Variants in PARD3B observed in about 807,000 individuals in gnomAD.
PARD3B encodes the protein par-3 family cell polarity regulator beta, also known as partitioning defective 3 homolog B.
Under a neutral mutation model 130.2 loss-of-function variants are expected in PARD3B, and 103 were observed. The observed-to-expected ratio is 0.79, with a 90% CI of 0.67 to 0.93. PARD3B has a LOEUF of 0.93. PARD3B is among the 40% of genes least tolerant of loss of function. PARD3B has a pLI of 0.00. For synonymous variants in PARD3B, 583 were observed against 553.2 expected (o/e 1.05, Z -0.76); for missense variants, 1,609 against 1,499.2 (o/e 1.07, Z -1.21).
At chr2:204,935,460 A>G (rs1688374338) in intron 2 of PARD3B, among the ~76,000 whole-genome samples, 1 of 151,086 alleles carries the variant, frequency 6.6e-6, no homozygotes, top group Non-Finnish European at 1.5e-5. Flanking sequence ...AATGGTGTGA[A>G]CCCGGGAGGT....
chr2:204,593,348 C>A (rs112678032), intron 1 of PARD3B, among the ~76,000 whole-genome samples: 12 of 152,100 alleles, frequency 7.9e-5, no homozygotes, highest in African/African-American at 2.4e-4. Context: ...AGGGGGCTTG[C>A]GCATGGAGCA....
chr2:204,882,481 T>G (rs1025855321), intron 2 of PARD3B, among the ~76,000 whole-genome samples: 1 of 152,192 alleles, frequency 6.6e-6, no homozygotes, highest in African/African-American at 2.4e-5. Context: ...AGTGTCTGAC[T>G]GCAAAAGCTT....
intron 2 of PARD3B, among the ~76,000 whole-genome samples, chr2:204,868,998 AG>A (rs2045530672): frequency 6.6e-6 from 1 of 152,202 alleles, no homozygotes; most frequent in Non-Finnish European, 1.5e-5. Context: ...TGTATTTAAA[AG>A]GTAAAATGAG....
rs2041964960 is a variant in PARD3B, at chr2:205,300,710, A to G, written c.2366A>G (p.Tyr789Cys). 1 of 1,612,586 alleles carries G rather than the reference A, an allele frequency of 6.2e-7. No individual in the cohort carries two copies. The highest frequency in any genetic ancestry group is 8.5e-7 in the Non-Finnish European group (1 of 1,178,782). ...TTTAGAGCAGCCATTGACAAATCCT[A>G]CGATGGACCTGAAGAAATAGAAGCT... ...ESFRAAIDKS[Y>C]DGPEEIEADG... Residue 789 changes from tyrosine (Y) to cysteine (C), a missense_variant, in exon 17 of 23, where the codon TAC becomes TGC. Tyr to Cys is a radical substitution (Grantham distance 194). Coordinates refer to ENST00000406610, the MANE Select transcript of PARD3B (RefSeq NM_001302769.2). This position sits in a 1 kb window ranked among gnomAD's most constrained non-coding sequence, Gnocchi z 4.1.
At chr2:205,464,725 A>G (rs1230417827) in intron 20 of PARD3B, among the ~76,000 whole-genome samples, 1 of 152,222 alleles carries the variant, frequency 6.6e-6, no homozygotes, top group African/African-American at 2.4e-5. Flanking sequence ...CAGAAGACCC[A>G]AATCACACAG....
At position 205,229,932 on chromosome 2, in the gene PARD3B, C is replaced by T. The variant is rs886182244; in HGVS notation, c.2141-15846C>T. Among the ~76,000 whole-genome samples, 1 of 151,924 alleles carries T rather than the reference C, an allele frequency of 6.6e-6. No individual in the cohort carries two copies. The highest frequency in any genetic ancestry group is 2.1e-4 in the South Asian group (1 of 4,824). ...TCTCTCCCCACAGCCACCACCACCA[C>T]GTCCATGGCAAGTACTGCCTGTCTA... is the stretch of plus-strand genomic sequence containing the variant. On this transcript the variant is annotated intron_variant, in intron 15 of 22. Coordinates refer to ENST00000406610, the MANE Select transcript of PARD3B (RefSeq NM_001302769.2). The surrounding 1 kb of genome is among the most constrained non-coding windows in gnomAD (Gnocchi z 5.2).
chr2:205,505,135 C>T (rs1488652879), intron 21 of PARD3B, among the ~76,000 whole-genome samples: 2 of 151,346 alleles, frequency 1.3e-5, no homozygotes, highest in African/African-American at 4.9e-5. Flanking sequence ...CAAACTATCG[C>T]AAGGACAGAA....
intron 2 of PARD3B, among the ~76,000 whole-genome samples, chr2:204,960,067 G>A (rs1227141493): frequency 6.6e-6 from 1 of 152,162 alleles, no homozygotes; most frequent in Non-Finnish European, 1.5e-5. Flanking sequence ...GGTCTAAAAT[G>A]TGAAATTTTC....
At chr2:204,554,889 T>G (rs2030808953) in intron 1 of PARD3B, among the ~76,000 whole-genome samples, 1 of 152,186 alleles carries the variant, frequency 6.6e-6, no homozygotes, top group African/African-American at 2.4e-5. Context: ...TGGTGGCATC[T>G]GGAAAGTTAG....
At chr2:204,583,934 A>G (rs1441500450) in intron 1 of PARD3B, among the ~76,000 whole-genome samples, 1 of 152,212 alleles carries the variant, frequency 6.6e-6, no homozygotes. Context: ...TGCTGCTGCC[A>G]GTGAGGGCCT....
Position 204,624,778 on chromosome 2 carries a change from A to G in PARD3B, c.121-61403A>G, listed in dbSNP as rs2034429291. On this transcript the variant is annotated intron_variant, in intron 1 of 22. Coordinates refer to ENST00000406610, the MANE Select transcript of PARD3B (RefSeq NM_001302769.2). ...GATGTGATCTCTGGGCCATATGTTAAGTGTATCTTTAGTTATTTGGTAAAC... is the reference window on the plus strand; with the variant it reads ...GATGTGATCTCTGGGCCATATGTTAGGTGTATCTTTAGTTATTTGGTAAAC... Among the ~76,000 whole-genome samples the G allele has an allele frequency of 2.0e-5, 3 of 152,086 alleles. No homozygotes were observed. The South Asian group carries it at 6.2e-4, about 32-fold the overall frequency.
chr2:204,734,106 G>T (rs925931710), intron 2 of PARD3B, among the ~76,000 whole-genome samples: 6 of 151,994 alleles, frequency 3.9e-5, no homozygotes, highest in African/African-American at 1.2e-4. Flanking sequence ...TAAAACTGGG[G>T]TCCAATATTT....
chr2:204,596,211 G>C (rs980998171), intron 1 of PARD3B, among the ~76,000 whole-genome samples: 9 of 152,042 alleles, frequency 5.9e-5, no homozygotes, highest in African/African-American at 1.9e-4. Flanking sequence ...CAAACTTTTT[G>C]TGAAAAATTT....
At chr2:205,298,263 A>G (rs1419228530) in intron 16 of PARD3B, among the ~76,000 whole-genome samples, 3 of 152,300 alleles carry the variant, frequency 2.0e-5, no homozygotes, top group South Asian at 2.1e-4. Flanking sequence ...GGCTGATATT[A>G]TAAAATATTT....
At chr2:205,452,887 G>A (rs2048152649) in intron 20 of PARD3B, among the ~76,000 whole-genome samples, 1 of 152,102 alleles carries the variant, frequency 6.6e-6, no homozygotes. Context: ...GGGTAAATGG[G>A]CATGTTTGAG....
At chr2:204,740,984 A>C (rs1006413371) in intron 2 of PARD3B, among the ~76,000 whole-genome samples, 2 of 152,298 alleles carry the variant, frequency 1.3e-5, no homozygotes, top group Non-Finnish European at 2.9e-5. Flanking sequence ...TGAGACTCTT[A>C]GATGGATGGA....
At chr2:204,897,156 A>G (rs2046668399) in intron 2 of PARD3B, among the ~76,000 whole-genome samples, 1 of 152,114 alleles carries the variant, frequency 6.6e-6, no homozygotes, top group Non-Finnish European at 1.5e-5. Flanking sequence ...TAATTTAGCT[A>G]TTAAATCCCT....
intron 20 of PARD3B, among the ~76,000 whole-genome samples, chr2:205,494,935 A>C (rs1417837551): frequency 1.3e-5 from 2 of 152,200 alleles, no homozygotes; most frequent in Non-Finnish European, 2.9e-5. Context: ...TATGTAAAGC[A>C]CAAATGTTGT....
intron 22 of PARD3B, 102 bp downstream of exon 22, chr2:205,553,505 T>A: frequency 8.2e-7 from 1 of 1,218,932 alleles, no homozygotes; most frequent in Non-Finnish European, 1.2e-6. Flanking sequence ...AGGGAATATG[T>A]TATAATTTTG....
Sources: allele counts gnomAD v4.1 joint callset (sites outside exome capture counted in the v4.1 genomes callset), GRCh38; gene constraint gnomAD v4.1.1; non-coding constraint Gnocchi (gnomAD v3.1); transcripts MANE v1.5; gene names NCBI Gene and HGNC (gene_info 2026-07-23, HGNC 2026-07-21).